Variants in ARHGAP10 observed in about 807,000 individuals in gnomAD.
The protein encoded by ARHGAP10 is rho GTPase-activating protein 10.
Under a neutral mutation model 108.6 loss-of-function variants are expected in ARHGAP10, and 87 were observed. That is an observed-to-expected ratio of 0.80 (90% CI 0.67 to 0.96). ARHGAP10 has a LOEUF of 0.96. Among genes scored for constraint, ARHGAP10 ranks in the 40% least tolerant of loss-of-function variants. The probability of loss-of-function intolerance (pLI) is 0.00; values close to 1 mark genes in which losing one functional copy is unlikely to be tolerated. For missense variants in ARHGAP10, 939 were observed against 954.5 expected, an observed-to-expected ratio of 0.98 and a Z score of 0.21; for synonymous variants, 347 against 341.1, an observed-to-expected ratio of 1.02 and a Z score of -0.19.
At chr4:148,055,630 A>G (rs1485141574) in intron 20 of ARHGAP10, among the ~76,000 whole-genome samples, 3 of 152,184 alleles carry the variant, frequency 2.0e-5, no homozygotes, top group Admixed American at 6.5e-5. Flanking sequence ...GGAGGTTGCA[A>G]TGAGCCAAGA....
chr4:147,869,356 G>A (rs913229795), intron 7 of ARHGAP10, among the ~76,000 whole-genome samples: 1 of 152,074 alleles, frequency 6.6e-6, no homozygotes, highest in African/African-American at 2.4e-5. Context: ...TGTTGGGGGG[G>A]CGTCTGTTTA....
At chr4:147,917,849 C>A (rs1274355903) in intron 13 of ARHGAP10, among the ~76,000 whole-genome samples, 1 of 150,458 alleles carries the variant, frequency 6.6e-6, no homozygotes, top group Non-Finnish European at 1.5e-5. Context: ...GTCTTAAAGT[C>A]GCATTTATTA....
chr4:148,003,779 C>T (rs779220134), intron 18 of ARHGAP10, among the ~76,000 whole-genome samples: 1 of 152,058 alleles, frequency 6.6e-6, no homozygotes, highest in East Asian at 1.9e-4. Flanking sequence ...CTTCCTCCAT[C>T]CCTTTATTTT....
chr4:148,036,121 A>G (rs1289652561), intron 19 of ARHGAP10, among the ~76,000 whole-genome samples: 1 of 150,216 alleles, frequency 6.7e-6, no homozygotes, highest in Non-Finnish European at 1.5e-5. Context: ...TTTCCAGTTA[A>G]GGAAAACTAA....
At chr4:147,805,205 G>A (rs1033756501) in intron 1 of ARHGAP10, among the ~76,000 whole-genome samples, 5 of 152,140 alleles carry the variant, frequency 3.3e-5, no homozygotes, top group Non-Finnish European at 7.4e-5. Flanking sequence ...CTAGCCAGTT[G>A]TTCCAGCACT....
chr4:147,877,889 T>C (rs990936687), intron 8 of ARHGAP10, among the ~76,000 whole-genome samples: 3 of 151,646 alleles, frequency 2.0e-5, no homozygotes, highest in African/African-American at 7.3e-5. Context: ...GTTCTTAAGA[T>C]TTTTTTAGAC....
intron 13 of ARHGAP10, among the ~76,000 whole-genome samples, chr4:147,922,151 G>A (rs1430594605): frequency 2.0e-5 from 3 of 152,114 alleles, no homozygotes; most frequent in Non-Finnish European, 4.4e-5. Flanking sequence ...GTGAACGAGG[G>A]TCAAAGGGTA....
chr4:147,932,056 T>C (rs1737716553), intron 13 of ARHGAP10, among the ~76,000 whole-genome samples: 1 of 151,870 alleles, frequency 6.6e-6, no homozygotes, highest in Middle Eastern at 3.4e-3. Flanking sequence ...AACAAACATA[T>C]GAAAAAAAAG....
chr4:147,905,504 G>T (rs899389035), intron 10 of ARHGAP10, among the ~76,000 whole-genome samples: 9 of 122,316 alleles, frequency 7.4e-5, no homozygotes, highest in African/African-American at 1.4e-4. Flanking sequence ...TTTCCCCATT[G>T]CTTGTTTTTC....
intron 1 of ARHGAP10, among the ~76,000 whole-genome samples, chr4:147,735,374 G>A (rs1419858485): frequency 2.0e-5 from 3 of 152,202 alleles, no homozygotes; most frequent in Non-Finnish European, 4.4e-5. Flanking sequence ...ACAAGGGTTT[G>A]TATGTTAGAG....
chr4:147,876,291 T>G (rs1177211267), intron 8 of ARHGAP10, among the ~76,000 whole-genome samples: 1 of 152,050 alleles, frequency 6.6e-6, no homozygotes, highest in Non-Finnish European at 1.5e-5. Flanking sequence ...TTGAAAGAAA[T>G]AAATTAAAAC....
In ARHGAP10 at chr4:148,064,511, A is replaced by G. The variant is rs777155019; in HGVS notation, c.2272+4A>G. ...ATAGGAGCAATTTTTGAGGATGGTA[A>G]GTGTTAGTGGGAGCTTCGTCTGTTA... On this transcript the variant is annotated splice_donor_region_variant and intron_variant, in intron 22 of 22. Transcript: ENST00000336498. 33 of 1,613,136 alleles carry G rather than the reference A, an allele frequency of 2.0e-5. No individual in the cohort carries two copies. The highest frequency in any genetic ancestry group is 2.6e-5 in the Non-Finnish European group (31 of 1,179,216).
chr4:147,892,591 TGGGAGTGTGGGGTTGGC>T (rs1735830559), intron 10 of ARHGAP10, among the ~76,000 whole-genome samples: 1 of 9,046 alleles, frequency 1.1e-4, no homozygotes, highest in African/African-American at 2.0e-4. Flanking sequence ...TGGGGTTGGC[TGGGAGTGTGGGGTTGGC>T]TGGAAGAGCT....
intron 10 of ARHGAP10, 74 bp from the exon 11 acceptor site, chr4:147,906,564 A>C (rs1736503244): frequency 6.9e-7 from 1 of 1,459,542 alleles, no homozygotes; most frequent in East Asian, 2.3e-5. Context: ...AAATGGTTAC[A>C]ACAGTTAAAT....
intron 19 of ARHGAP10, among the ~76,000 whole-genome samples, chr4:148,043,849 A>G (rs142355382): frequency 6.7e-6 from 1 of 149,976 alleles, no homozygotes; most frequent in Non-Finnish European, 1.5e-5. Flanking sequence ...AAGTTTTATT[A>G]TTTTCATAGT....
chr4:148,049,449 G>A (rs566291309), intron 20 of ARHGAP10, among the ~76,000 whole-genome samples: 30 of 152,192 alleles, frequency 2.0e-4, no homozygotes, highest in Non-Finnish European at 2.9e-4. Context: ...AGGGTCGTGC[G>A]TTGCTGTCCT....
chr4:147,904,234 A>G (rs553949905), intron 10 of ARHGAP10, among the ~76,000 whole-genome samples: 1 of 151,366 alleles, frequency 6.6e-6, no homozygotes, highest in East Asian at 1.9e-4. Flanking sequence ...TTCTTTCTTT[A>G]TTTTATTATT....
In ARHGAP10 at chr4:148,054,853, G is replaced by A. The variant is rs148191887; in HGVS notation, c.2027+7802G>A. ...ATAAATCTCTTTGTAAGTGATTGGT[G>A]GATTTTTCTGAGCGGAGTATCTGTG... On this transcript the variant is annotated intron_variant, in intron 20 of 22. Transcript: ENST00000336498. Among the ~76,000 whole-genome samples, 721 of 152,318 alleles carry A rather than the reference G, an allele frequency of 4.7e-3. 3 individuals carry two copies. Among genetic ancestry groups the A allele is most frequent in the Non-Finnish European group, 8.5e-3 (575 of 68,032 alleles).
At chr4:147,893,484 G>T (rs1735870381) in intron 10 of ARHGAP10, among the ~76,000 whole-genome samples, 1 of 144,946 alleles carries the variant, frequency 6.9e-6, no homozygotes, top group South Asian at 2.1e-4. Flanking sequence ...TATATATATA[G>T]AAATACATAT....
Sources: gnomAD v4.1 joint callset for allele counts (sites outside exome capture counted in the v4.1 genomes callset) on GRCh38, gnomAD v4.1.1 for gene constraint, MANE v1.5 for transcripts, NCBI Gene and HGNC (gene_info 2026-07-23, HGNC 2026-07-21) for gene names.